KLHL6: variants seen among roughly 807,000 people sequenced by gnomAD.
KLHL6 encodes the protein kelch like family member 6.
KLHL6 carries 41 observed loss-of-function variants against 58.6 expected under a neutral mutation model. That is an observed-to-expected ratio of 0.70 (90% CI 0.55 to 0.91). KLHL6 has a LOEUF of 0.91. Among genes scored for constraint, KLHL6 ranks in the 40% least tolerant of loss-of-function variants. KLHL6 has a pLI of 0.00. For missense variants in KLHL6, 714 were observed against 805.6 expected, an observed-to-expected ratio of 0.89 and a Z score of 1.38; for synonymous variants, 338 against 322.7, an observed-to-expected ratio of 1.05 and a Z score of -0.51.
rs1412637290 is a variant in KLHL6, at chr3:183,492,171, A to T, written c.1622T>A (p.Val541Glu). The part of the protein sequence containing the change: ...YSPLEDSWCL[V>E]TQLSHERASC... ...GGCCCGCTCGTGGCTGAGCTGGGTC[A>T]CCAGGCACCAGCTGTCTTCCAGCGG... is the stretch of plus-strand genomic sequence containing the variant. The change falls in exon 7 of 7, where the codon GTG becomes GAG. Residue 541 changes from valine to glutamate, a missense_variant. Physicochemically the swap from Val to Glu is moderately radical, Grantham distance 121. Around this residue, in one of 2 missense-constraint regions of KLHL6, gnomAD observed 510 missense variants for 629.7 expected, o/e 0.81. Coordinates refer to ENST00000341319, the MANE Select transcript of KLHL6 (RefSeq NM_130446.4). The surrounding 1 kb of genome is among the most constrained non-coding windows in gnomAD (Gnocchi z 5.9). The T allele has an allele frequency of 6.2e-7, 1 of 1,613,020 alleles. No homozygotes were observed. The highest frequency in any genetic ancestry group is 1.7e-5 in the Admixed American group (1 of 59,990).
rs528230961 is a variant in KLHL6, at chr3:183,535,040, A to T, written c.294-7030T>A. Reference sequence around the variant, plus strand: ...GCTCACTGCAGCCTCAGCCTCCCGGATTCAAGCGATTCTCCTGCCTCAGCC... The same window carrying T: ...GCTCACTGCAGCCTCAGCCTCCCGGTTTCAAGCGATTCTCCTGCCTCAGCC... On this transcript the variant is annotated intron_variant, in intron 1 of 6. Transcript: ENST00000341319. Among the ~76,000 whole-genome samples, 248 of 150,414 alleles carry T rather than the reference A, an allele frequency of 1.6e-3. 1 individual carries two copies. Among genetic ancestry groups the T allele is most frequent in the Non-Finnish European group, 1.1e-3 (77 of 67,756 alleles).
At chr3:183,517,065 C>A (rs1042560372) in intron 2 of KLHL6, among the ~76,000 whole-genome samples, 1 of 152,062 alleles carries the variant, frequency 6.6e-6, no homozygotes, top group African/African-American at 2.4e-5. Context: ...CGCACCACCA[C>A]ACCCAGCTAA....
chr3:183,536,818 C>T (rs1712380707), intron 1 of KLHL6, among the ~76,000 whole-genome samples: 1 of 152,196 alleles, frequency 6.6e-6, no homozygotes, highest in African/African-American at 2.4e-5. Flanking sequence ...GGGTGCGTAT[C>T]AGGTAACTGC....
At chr3:183,511,209 A>C (rs1285116318) in intron 2 of KLHL6, among the ~76,000 whole-genome samples, 2 of 152,266 alleles carry the variant, frequency 1.3e-5, no homozygotes, top group Admixed American at 1.3e-4. Flanking sequence ...TCTGTGTCAC[A>C]AATAAGTTCA....
intron 2 of KLHL6, among the ~76,000 whole-genome samples, chr3:183,514,803 G>A (rs996721090): frequency 4.0e-5 from 6 of 151,846 alleles, no homozygotes; most frequent in Non-Finnish European, 5.9e-5. Context: ...CAAGCAGCTG[G>A]GACTACAGGG....
chr3:183,504,778 A>T (rs1717958707), intron 3 of KLHL6, among the ~76,000 whole-genome samples: 1 of 152,156 alleles, frequency 6.6e-6, no homozygotes, highest in Non-Finnish European at 1.5e-5. Context: ...TGGTGTACAG[A>T]TTATTTCATC....
At chr3:183,505,861 C>T (rs1717986983) in intron 3 of KLHL6, among the ~76,000 whole-genome samples, 1 of 152,078 alleles carries the variant, frequency 6.6e-6, no homozygotes, top group South Asian at 2.1e-4. Context: ...CCTAAATAGT[C>T]CTATATCTAT....
At position 183,549,996 on chromosome 3, in the gene KLHL6, A is replaced by T. The variant is rs138805617; in HGVS notation, c.293+5365T>A. Among the ~76,000 whole-genome samples the T allele has an allele frequency of 2.0e-5, 3 of 152,338 alleles. No homozygotes were observed. In the East Asian group the frequency reaches 5.8e-4, roughly 29 times the overall value. On this transcript the variant is annotated intron_variant, in intron 1 of 6. Coordinates refer to ENST00000341319, the MANE Select transcript of KLHL6 (RefSeq NM_130446.4). The stretch of plus-strand genomic sequence containing the variant: ...AGTGAAAACAAACAGTAAAAAACAA[A>T]CAAAAACAGAAGAGTGGTTTTTTAA...
intron 2 of KLHL6, among the ~76,000 whole-genome samples, chr3:183,510,427 G>C (rs529199154): frequency 1.3e-5 from 2 of 152,156 alleles, no homozygotes; most frequent in Admixed American, 6.6e-5. Context: ...GGTTGATAGT[G>C]GGGCAGGACT....
At chr3:183,510,874 A>AAAATAAATAAAT (rs55944280) in intron 2 of KLHL6, among the ~76,000 whole-genome samples, 11,750 of 148,168 alleles carry the variant, frequency 0.079, 658 homozygotes, top group African/African-American at 0.14. Context: ...ACTCCATCTC[A>AAAATAAATAAAT]AAATAAATAA....
rs1229948769 is a variant in KLHL6, at chr3:183,492,957, C to T, written c.1351-250G>A. On this transcript the variant is annotated intron_variant, in intron 5 of 6. Coordinates refer to ENST00000341319, the MANE Select transcript of KLHL6 (RefSeq NM_130446.4). The surrounding 1 kb of genome is among the most constrained non-coding windows in gnomAD (Gnocchi z 5.9). ...GGGATGTGCCAGCCTCTCCCGGAAT[C>T]CAGCTCTCAGGCAAGAATAAGTTTA... 2.0e-6 allele frequency: 1 copy of T among 494,788 alleles called. No homozygotes were observed. The highest frequency in any genetic ancestry group is 3.7e-6 in the Non-Finnish European group (1 of 270,716). 30.6% of individuals were successfully genotyped at this position (494,788 alleles called of 1,614,324 possible).
chr3:183,531,031 G>A (rs547907661), intron 1 of KLHL6, among the ~76,000 whole-genome samples: 3 of 151,748 alleles, frequency 2.0e-5, no homozygotes, highest in African/African-American at 2.4e-5. Context: ...GGGGGGTTTC[G>A]CCATGTTGGC....
At chr3:183,551,182 T>C (rs570287151) in intron 1 of KLHL6, among the ~76,000 whole-genome samples, 1 of 150,504 alleles carries the variant, frequency 6.6e-6, no homozygotes, top group Non-Finnish European at 1.5e-5. Flanking sequence ...TATTGGAGAA[T>C]GTGCTTATCA....
chr3:183,546,897 C>T (rs1712736806), intron 1 of KLHL6, among the ~76,000 whole-genome samples: 1 of 148,578 alleles, frequency 6.7e-6, no homozygotes, highest in South Asian at 2.1e-4. Context: ...GACTGAAACC[C>T]CAGTGCCATA....
chr3:183,507,066 A>G (rs1218683731), intron 3 of KLHL6, among the ~76,000 whole-genome samples: 1 of 152,168 alleles, frequency 6.6e-6, no homozygotes, highest in Non-Finnish European at 1.5e-5. Flanking sequence ...TGGAGAGGAC[A>G]CTAGAGAAGC....
At chr3:183,500,089 A>G (rs1047411986) in intron 3 of KLHL6, among the ~76,000 whole-genome samples, 2 of 152,238 alleles carry the variant, frequency 1.3e-5, no homozygotes, top group South Asian at 4.1e-4. Flanking sequence ...TACTCAATAC[A>G]TGTTGCCTGT....
chr3:183,538,694 G>GC (rs1339941152), intron 1 of KLHL6, among the ~76,000 whole-genome samples: 1 of 152,226 alleles, frequency 6.6e-6, no homozygotes, highest in Non-Finnish European at 1.5e-5. Context: ...GTCAGCAGAT[G>GC]CAAGTGTGAC....
chr3:183,533,962 G>A (rs2108688331), intron 1 of KLHL6, among the ~76,000 whole-genome samples: 1 of 151,338 alleles, frequency 6.6e-6, no homozygotes, highest in Middle Eastern at 3.4e-3. Flanking sequence ...GCCCAGAGCT[G>A]GGGGAGCCGT....
At chr3:183,524,593 T>C (rs1218746707) in intron 2 of KLHL6, among the ~76,000 whole-genome samples, 1 of 152,218 alleles carries the variant, frequency 6.6e-6, no homozygotes, top group Non-Finnish European at 1.5e-5. Context: ...CTCATGACGT[T>C]GCCTGGCCTG....
Sources: gnomAD v4.1 joint callset for allele counts (sites outside exome capture counted in the v4.1 genomes callset) on GRCh38, gnomAD v4.1.1 for gene constraint, gnomAD v4.1.1 regional missense constraint, Gnocchi (gnomAD v3.1) non-coding constraint, MANE v1.5 for transcripts, NCBI Gene and HGNC (gene_info 2026-07-23, HGNC 2026-07-21) for gene names.